KIF1A: variants seen among roughly 807,000 people sequenced by gnomAD.
The protein encoded by KIF1A is kinesin-like protein KIF1A.
KIF1A carries 46 observed loss-of-function variants against 227.3 expected under a neutral mutation model. The ratio of observed to expected loss-of-function variants is 0.20; its 90% CI spans 0.16 to 0.26. The LOEUF is 0.26. KIF1A is among the 10% of genes least tolerant of loss of function. KIF1A has a pLI of 1.00. For missense variants in KIF1A, 1,683 were observed against 2,485.9 expected (o/e 0.68, Z 6.87); for synonymous variants, 1,022 against 1,012.8 (o/e 1.01, Z -0.17).
intron 37 of KIF1A, among the ~76,000 whole-genome samples, chr2:240,737,929 G>A (rs1288349300): frequency 6.6e-6 from 1 of 152,242 alleles, no homozygotes; most frequent in Non-Finnish European, 1.5e-5. Context: ...AGGATTTTGT[G>A]TTGATGGGTG....
intron 10 of KIF1A, among the ~76,000 whole-genome samples, chr2:240,776,406 C>G (rs1254740886): frequency 6.6e-6 from 1 of 152,228 alleles, no homozygotes; most frequent in East Asian, 1.9e-4. Context: ...CTTAAATCTC[C>G]CCTTCACCCA....
chr2:240,784,816 C>A, intron 7 of KIF1A, among the ~76,000 whole-genome samples, 173 bp downstream of exon 7: 1 of 137,956 alleles, frequency 7.2e-6, no homozygotes, highest in Non-Finnish European at 1.7e-5. Context: ...GCCTCTGGGG[C>A]GGGGGGGGGG....
At chr2:240,780,774 A>ACACACACACACACACACAGCTC (rs2053573038) in intron 10 of KIF1A, among the ~76,000 whole-genome samples, 1 of 116,928 alleles carries the variant, frequency 8.6e-6, no homozygotes, top group Non-Finnish European at 1.7e-5. Context: ...ACAGCTCCAC[A>ACACACACACACACACACAGCTC]CACACACACA....
intron 24 of KIF1A, among the ~76,000 whole-genome samples, 165 bp downstream of exon 24, chr2:240,761,064 C>T (rs575463503): frequency 2.5e-4 from 38 of 152,348 alleles, no homozygotes; most frequent in African/African-American, 9.1e-4. Context: ...CAGGTCTGGG[C>T]TCCCTCACTG....
rs116428037 is a variant in KIF1A at position 240,740,829 on chromosome 2, C to A, written c.3749+440G>T. 6.3e-3 allele frequency among the ~76,000 whole-genome samples: 959 copies of A among 152,236 alleles called. 8 individuals carry two copies. The highest frequency in any genetic ancestry group is 0.022 in the African/African-American group (893 of 41,530). ...GAGCTGCCAGCCACAGCCCAGCTCC[C>A]AGCTGCCCCCAGGGCACCAGGCAGA... On this transcript the variant is annotated intron_variant, in intron 35 of 48. Transcript: ENST00000498729. The surrounding 1 kb of genome is among the most constrained non-coding windows in gnomAD (Gnocchi z 6.1).
chr2:240,782,739 G>T, intron 9 of KIF1A, 132 bp from the exon 10 acceptor site: 2 of 950,606 alleles, frequency 2.1e-6, no homozygotes, highest in Non-Finnish European at 3.3e-6. Context: ...TGGTCTCCTA[G>T]ACAGCAGCTC....
chr2:240,769,778 GC>G, intron 15 of KIF1A, 72 bp from the exon 16 acceptor site: 1 of 1,271,286 alleles, frequency 7.9e-7, no homozygotes, highest in Non-Finnish European at 1.1e-6. Flanking sequence ...AGACACGGGT[GC>G]CAGGAGAAGG....
At chr2:240,741,576 G>A (rs980750158) in intron 34 of KIF1A, among the ~76,000 whole-genome samples, 199 bp from the exon 35 acceptor site, 28 of 152,216 alleles carry the variant, frequency 1.8e-4, no homozygotes, top group African/African-American at 5.3e-4. Flanking sequence ...GCCTTAGCAC[G>A]TCACATGGAC....
chr2:240,720,829 T>A, intron 45 of KIF1A, 85 bp downstream of exon 45: 1 of 1,451,168 alleles, frequency 6.9e-7, no homozygotes, highest in Non-Finnish European at 9.2e-7. Context: ...CCCCCTGTTC[T>A]GTGCTCTCTG....
At position 240,757,300 on chromosome 2, in the gene KIF1A, T is replaced by G; in HGVS notation, c.2858+19A>C. ...AAGAGCTGGGTCCTCCCCAGCATGC[T>G]CTCCTCGACCTCACCAACCTTCCTA... is the stretch of plus-strand genomic sequence containing the variant. On this transcript the variant is annotated intron_variant, in intron 27 of 48. Coordinates refer to ENST00000498729, the MANE Select transcript of KIF1A (RefSeq NM_001244008.2). The surrounding 1 kb of genome is among the most constrained non-coding windows in gnomAD (Gnocchi z 6.2). 1 of 1,548,722 alleles carries G rather than the reference T, an allele frequency of 6.5e-7. No individual in the cohort carries two copies. Among genetic ancestry groups the G allele is most frequent in the South Asian group, 1.2e-5 (1 of 83,914 alleles).
intron 34 of KIF1A, among the ~76,000 whole-genome samples, chr2:240,742,597 C>T (rs116827114): frequency 2.2e-4 from 34 of 152,252 alleles, no homozygotes; most frequent in African/African-American, 7.0e-4. Context: ...CGTGAAGGAG[C>T]GTCCTAGATT....
At chr2:240,767,057 G>A in intron 18 of KIF1A, 36 bp from the exon 19 acceptor site, 2 of 1,509,468 alleles carry the variant, frequency 1.3e-6, no homozygotes, top group Non-Finnish European at 1.8e-6. Context: ...CGGCAGCTGG[G>A]ACCCAATACA....
chr2:240,746,823 AG>A (rs1234307405), intron 29 of KIF1A, among the ~76,000 whole-genome samples: 1 of 152,182 alleles, frequency 6.6e-6, no homozygotes, highest in Non-Finnish European at 1.5e-5. Context: ...AGGCAGCCTC[AG>A]GGGGGCAGCC....
chr2:240,815,852 G>A (rs1476036826), intron 1 of KIF1A, among the ~76,000 whole-genome samples: 2 of 152,200 alleles, frequency 1.3e-5, no homozygotes, highest in Non-Finnish European at 2.9e-5. Flanking sequence ...ACCACCACCT[G>A]GCTCAGTGGG....
chr2:240,811,402 A>C (rs967794015), intron 1 of KIF1A, among the ~76,000 whole-genome samples: 1 of 152,180 alleles, frequency 6.6e-6, no homozygotes, highest in African/African-American at 2.4e-5. Flanking sequence ...AAAAGAAACT[A>C]TCTTCAAGAA....
In KIF1A at chr2:240,736,377, C is replaced by T. The variant is rs372696719; in HGVS notation, c.4007+686G>A. Among the ~76,000 whole-genome samples, 28 of 152,016 alleles carry T rather than the reference C, an allele frequency of 1.8e-4. No homozygotes were observed. Among genetic ancestry groups the T allele is most frequent in the African/African-American group, 3.4e-4 (14 of 41,382 alleles). The stretch of plus-strand genomic sequence containing the variant: ...AGCCCCTGGAAGGCAGCGTCTGGGA[C>T]GCAGTGGAGCCCGCGGGACGTCCCC... On this transcript the variant is annotated intron_variant, in intron 38 of 48. Transcript: ENST00000498729. This position sits in a 1 kb window ranked among gnomAD's most constrained non-coding sequence, Gnocchi z 4.7.
chr2:240,798,965 C>T (rs2056702351), intron 1 of KIF1A, among the ~76,000 whole-genome samples: 2 of 151,560 alleles, frequency 1.3e-5, no homozygotes, highest in South Asian at 2.1e-4. Context: ...CCTTGAAACC[C>T]TTCCACACTG....
intron 38 of KIF1A, among the ~76,000 whole-genome samples, chr2:240,733,466 T>G (rs1265201063): frequency 6.6e-6 from 1 of 152,176 alleles, no homozygotes; most frequent in Admixed American, 6.5e-5. Context: ...GGGTTTCTGC[T>G]GCATCCAGGT....
At position 240,789,445 on chromosome 2, in the gene KIF1A, G is replaced by A; in HGVS notation, c.107-133C>T. The A allele has an allele frequency of 1.4e-6, 1 of 690,460 alleles. No individual in the cohort carries two copies. Among genetic ancestry groups the A allele is most frequent in the Non-Finnish European group, 2.6e-6 (1 of 387,270 alleles). 42.8% of individuals were successfully genotyped at this position (690,460 alleles called of 1,614,324 possible). A position where few individuals can be genotyped will look rare whatever the true frequency, so the allele number is the denominator to read the frequency against. Reference sequence around the variant, plus strand: ...ACAAGCCAGGCCCCCAAATTGGAGGGGACCTAGGACCCCACTCCCAGGCAG... The same window carrying A: ...ACAAGCCAGGCCCCCAAATTGGAGGAGACCTAGGACCCCACTCCCAGGCAG... On this transcript the variant is annotated intron_variant, in intron 2 of 48. Coordinates refer to ENST00000498729, the MANE Select transcript of KIF1A (RefSeq NM_001244008.2). This position sits in a 1 kb window ranked among gnomAD's most constrained non-coding sequence, Gnocchi z 4.8.
Sources: allele counts gnomAD v4.1 joint callset (sites outside exome capture counted in the v4.1 genomes callset), GRCh38; gene constraint gnomAD v4.1.1; non-coding constraint Gnocchi (gnomAD v3.1); transcripts MANE v1.5; gene names NCBI Gene and HGNC (gene_info 2026-07-23, HGNC 2026-07-21).